DNAJC16: variants seen among roughly 807,000 people sequenced by gnomAD.
The protein encoded by DNAJC16 is DnaJ heat shock protein family (Hsp40) member C16, also known as dnaJ homolog subfamily C member 16.
In DNAJC16, 76 loss-of-function variants were observed where a neutral mutation model predicts 92.7. That is an observed-to-expected ratio of 0.82 (90% CI 0.68 to 0.99). The LOEUF (loss-of-function observed/expected upper bound fraction) is 0.99. Ranked by LOEUF, DNAJC16 falls within the 50% of genes least tolerant of loss-of-function variation. The probability of loss-of-function intolerance (pLI) is 0.00; values close to 1 mark genes in which losing one functional copy is unlikely to be tolerated. For missense variants in DNAJC16, 869 were observed against 942.4 expected, an observed-to-expected ratio of 0.92 and a Z score of 1.02; for synonymous variants, 328 against 358.7, an observed-to-expected ratio of 0.91 and a Z score of 0.97.
chr1:15,529,123 G>C lies in DNAJC16; in HGVS notation c.18G>C (p.Leu6Phe). ...GAAGAGAAATGGAAGTGAGAAAGTTGAGCATTTCCTGGCAGTTCTTGATAG... is the reference window on the plus strand; with the variant it reads ...GAAGAGAAATGGAAGTGAGAAAGTTCAGCATTTCCTGGCAGTTCTTGATAG... MEVRKLSISWQFLIVL... is the reference protein window; with the variant it reads MEVRKFSISWQFLIVL... Residue 6 changes from leucine (L) to phenylalanine (F), a missense_variant, in exon 2 of 15, where the codon TTG becomes TTC. Leu to Phe is a conservative substitution (Grantham distance 22). Coordinates refer to ENST00000375847, the MANE Select transcript of DNAJC16 (RefSeq NM_015291.4). 1 of 1,613,650 alleles carries C rather than the reference G, an allele frequency of 6.2e-7. No individual in the cohort carries two copies. The highest frequency in any genetic ancestry group is 8.5e-7 in the Non-Finnish European group (1 of 1,179,896).
At chr1:15,534,578 C>T (rs6690813) in intron 3 of DNAJC16, among the ~76,000 whole-genome samples, 6 of 151,804 alleles carry the variant, frequency 4.0e-5, no homozygotes, top group Non-Finnish European at 8.8e-5. Context: ...AAAAAAAATT[C>T]GCCGGGCGTG....
intron 7 of DNAJC16, among the ~76,000 whole-genome samples, chr1:15,554,642 A>G (rs1292684978): frequency 6.6e-6 from 1 of 151,294 alleles, no homozygotes; most frequent in Non-Finnish European, 1.5e-5. Flanking sequence ...TACTTTTTGT[A>G]TATATTGGTC....
intron 9 of DNAJC16, 114 bp downstream of exon 9, chr1:15,562,439 G>T: frequency 8.7e-7 from 1 of 1,144,628 alleles, no homozygotes; most frequent in Non-Finnish European, 1.2e-6. Flanking sequence ...CTGAAACTCT[G>T]AAGCCTATTT....
At chr1:15,539,151 A>G (rs1710868932) in intron 4 of DNAJC16, among the ~76,000 whole-genome samples, 1 of 152,236 alleles carries the variant, frequency 6.6e-6, no homozygotes, top group Non-Finnish European at 1.5e-5. Context: ...AGTATTTTTA[A>G]TTCCCGAGGG....
intron 2 of DNAJC16, among the ~76,000 whole-genome samples, chr1:15,531,802 G>A (rs866327007): frequency 2.0e-5 from 3 of 152,262 alleles, no homozygotes; most frequent in Middle Eastern, 6.8e-3. Context: ...ATTTTCTGCG[G>A]TTTTGGCTAT....
rs772282419 is a variant in DNAJC16 at position 15,544,463 on chromosome 1, C to T, written c.639C>T (p.His213=). 23 of 1,614,152 alleles carry T rather than the reference C, an allele frequency of 1.4e-5. No individual in the cohort carries two copies. The highest frequency in any genetic ancestry group is 1.7e-5 in the Non-Finnish European group (20 of 1,180,024). ...ERRLAHHLGA[H]STPSILGIIN... is the part of the protein sequence containing the mutation. ...GCCTGGCCCATCACCTAGGGGCACA[C>T]AGCACGCCCTCTATCCTAGGAATCA... Residue 213 remains histidine (H), a synonymous_variant, in exon 5 of 15, where the codon CAC becomes CAT. Coordinates refer to ENST00000375847, the MANE Select transcript of DNAJC16 (RefSeq NM_015291.4).
At chr1:15,527,350 C>G (rs1357933956) in intron 1 of DNAJC16, among the ~76,000 whole-genome samples, 1 of 152,180 alleles carries the variant, frequency 6.6e-6, no homozygotes, top group South Asian at 2.1e-4. Flanking sequence ...CTGGAAGGAA[C>G]TGACATGGTT....
intron 14 of DNAJC16, 134 bp from the exon 15 acceptor site, chr1:15,567,644 T>C: frequency 9.8e-7 from 1 of 1,017,072 alleles, no homozygotes; most frequent in Non-Finnish European, 1.4e-6. Flanking sequence ...GAAGGCCTTC[T>C]TTTTCTCTGT....
At chr1:15,536,947 T>C (rs1710805741) in intron 4 of DNAJC16, 133 bp downstream of exon 4, 1 of 695,568 alleles carries the variant, frequency 1.4e-6, no homozygotes, top group Non-Finnish European at 2.2e-6. Flanking sequence ...ACCTCCCGGG[T>C]TCAAGTGATT....
chr1:15,543,675 A>T (rs745463917), intron 4 of DNAJC16, among the ~76,000 whole-genome samples: 2 of 152,162 alleles, frequency 1.3e-5, no homozygotes, highest in South Asian at 4.1e-4. Context: ...AGCATTTAGG[A>T]TATTATTGCA....
Position 15,544,456 on chromosome 1 carries a change from G to T in DNAJC16, c.632G>T (p.Gly211Val). Residue 211 changes from glycine to valine, a missense_variant, in exon 5 of 15, where the codon GGG (glycine) becomes GTG (valine). Coordinates refer to ENST00000375847, the MANE Select transcript of DNAJC16 (RefSeq NM_015291.4). ...GAGAGACGCCTGGCCCATCACCTAG[G>T]GGCACACAGCACGCCCTCTATCCTA... ...GYERRLAHHLGAHSTPSILGI... is the reference protein window; with the variant it reads ...GYERRLAHHLVAHSTPSILGI... The T allele has an allele frequency of 6.2e-7, 1 of 1,614,070 alleles. No individual in the cohort carries two copies.
chr1:15,562,663 T>C (rs1389396800), intron 9 of DNAJC16, among the ~76,000 whole-genome samples: 1 of 151,654 alleles, frequency 6.6e-6, no homozygotes, highest in East Asian at 1.9e-4. Flanking sequence ...TTTTTTGTAT[T>C]TTTTTGTAGA....
chr1:15,542,108 TGA>T (rs890482626), intron 4 of DNAJC16: 1 of 152,062 alleles, frequency 6.6e-6, no homozygotes, highest in Non-Finnish European at 1.5e-5. Context: ...GGCTGGAGAT[TGA>T]GTTAATAATT....
At chr1:15,557,758 A>G (rs1276670741) in intron 7 of DNAJC16, among the ~76,000 whole-genome samples, 1 of 150,330 alleles carries the variant, frequency 6.7e-6, no homozygotes, top group Non-Finnish European at 1.5e-5. Context: ...TTTTTTAGTC[A>G]GTCTTGCTCT....
intron 7 of DNAJC16, among the ~76,000 whole-genome samples, chr1:15,550,349 G>A (rs1468032458): frequency 6.6e-6 from 1 of 152,202 alleles, no homozygotes; most frequent in African/African-American, 2.4e-5. Flanking sequence ...ATTATTGGTA[G>A]AATGGCTGCT....
Position 15,568,076 on chromosome 1 carries a change from C to A in DNAJC16, c.2248C>A (p.Pro750Thr). Residue 750 changes from proline (P) to threonine (T), a missense_variant, in exon 15 of 15, where the codon CCC (proline) becomes ACC (threonine). Transcript: ENST00000375847. Reference protein sequence around the residue: ...GKPSCGLGSRPIKGKLSKLSL... With the variant: ...GKPSCGLGSRTIKGKLSKLSL... ...ACCTTCCTGTGGCCTTGGATCCAGG[C>A]CCATCAAAGGAAAGTTGAGCAAGCT... The A allele has an allele frequency of 3.7e-6, 6 of 1,614,184 alleles. No homozygotes were observed. The highest frequency in any genetic ancestry group is 5.1e-6 in the Non-Finnish European group (6 of 1,180,026).
At position 15,546,795 on chromosome 1, in the gene DNAJC16, T is replaced by C; in HGVS notation, c.788T>C (p.Leu263Pro). Residue 263 changes from leucine (L) to proline (P), a missense_variant, in exon 6 of 15, where the codon CTC becomes CCC. By Grantham distance (98) the Leu-to-Pro change is moderately conservative (BLOSUM62 -3). Transcript: ENST00000375847. Reference sequence around the variant, plus strand: ...ACAAATAAAAATTACGTCAGATTCCTCTCTGGCTGGCAGCAAGAGAATAAG... The same window carrying C: ...ACAAATAAAAATTACGTCAGATTCCCCTCTGGCTGGCAGCAAGAGAATAAG... ...KVTNKNYVRF[L>P]SGWQQENKPH... 6.2e-7 allele frequency: 1 copy of C among 1,613,620 alleles called. No homozygotes were observed. The highest frequency in any genetic ancestry group is 8.5e-7 in the Non-Finnish European group (1 of 1,179,880).
intron 4 of DNAJC16, among the ~76,000 whole-genome samples, chr1:15,537,103 G>A (rs146679506): frequency 0.011 from 1,671 of 152,200 alleles, 17 homozygotes; most frequent in Non-Finnish European, 0.018. Context: ...TGCCTGCCTC[G>A]GCCTCCCACA....
chr1:15,529,033 GC>G, intron 1 of DNAJC16, 54 bp from the exon 2 acceptor site: 1 of 1,522,260 alleles, frequency 6.6e-7, no homozygotes, highest in Non-Finnish European at 9.0e-7. Context: ...TACCTAAAAA[GC>G]AAGACTGTCC....
Sources: allele counts gnomAD v4.1 joint callset (sites outside exome capture counted in the v4.1 genomes callset), GRCh38; gene constraint gnomAD v4.1.1; transcripts MANE v1.5; gene names NCBI Gene and HGNC (gene_info 2026-07-23, HGNC 2026-07-21).